GLI2: variants seen among roughly 807,000 people sequenced by gnomAD.
The protein encoded by GLI2 is transcription activator GLI2.
A neutral mutation model predicts 78.9 loss-of-function variants in GLI2; 22 were observed. That is an observed-to-expected ratio of 0.28 (90% CI 0.20 to 0.40). GLI2 has a LOEUF of 0.40. GLI2 is among the 10% of genes least tolerant of loss of function. The pLI is 1.00. For missense variants in GLI2, 2,097 were observed against 2,213.2 expected, an observed-to-expected ratio of 0.95 and a Z score of 1.05; for synonymous variants, 974 against 963.7, an observed-to-expected ratio of 1.01 and a Z score of -0.20.
intron 2 of GLI2, among the ~76,000 whole-genome samples, chr2:120,832,171 T>G (rs1462295021): frequency 6.6e-6 from 1 of 152,164 alleles, no homozygotes; most frequent in Non-Finnish European, 1.5e-5. Flanking sequence ...CACTGAGGAC[T>G]TCATCTCTGT....
At position 120,903,106 on chromosome 2, in the gene GLI2, C is replaced by T. The variant is rs149896539; in HGVS notation, c.149-24255C>T. 3.3e-4 allele frequency among the ~76,000 whole-genome samples: 50 copies of T among 152,024 alleles called. No individual in the cohort carries two copies. In the East Asian group the frequency reaches 9.3e-3, roughly 28 times the overall value. On this transcript the variant is annotated intron_variant, in intron 2 of 13. Transcript: ENST00000361492. Reference sequence around the variant, plus strand: ...AACTTTTTTTAATGCAATTCAGGGCCGGGCGCAGTGGGTCATTCCTGTAAT... The same window carrying T: ...AACTTTTTTTAATGCAATTCAGGGCTGGGCGCAGTGGGTCATTCCTGTAAT...
intron 2 of GLI2, among the ~76,000 whole-genome samples, chr2:120,911,334 A>T (rs191287343): frequency 6.1e-4 from 93 of 152,344 alleles, no homozygotes; most frequent in African/African-American, 2.1e-3. Context: ...TGCTATGAGG[A>T]TGAAATGAGT....
chr2:120,907,653 C>T (rs533617372), intron 2 of GLI2, among the ~76,000 whole-genome samples: 84 of 152,256 alleles, frequency 5.5e-4, no homozygotes, highest in African/African-American at 1.5e-3. Context: ...GAATCGCAGA[C>T]GAGGGTTCAG....
chr2:120,983,691 G>A (rs1376059866), intron 11 of GLI2, among the ~76,000 whole-genome samples: 4 of 152,208 alleles, frequency 2.6e-5, no homozygotes, highest in Admixed American at 6.5e-5. Flanking sequence ...GGCAAGAGCC[G>A]GTGGCATCCT....
At chr2:120,887,172 G>A (rs1377110365) in intron 2 of GLI2, among the ~76,000 whole-genome samples, 2 of 152,098 alleles carry the variant, frequency 1.3e-5, no homozygotes, top group African/African-American at 2.4e-5. Context: ...ACTCCCACAT[G>A]GCAAGTGGTA....
intron 2 of GLI2, among the ~76,000 whole-genome samples, chr2:120,809,289 A>G (rs1287951108): frequency 6.6e-6 from 1 of 152,238 alleles, no homozygotes; most frequent in Non-Finnish European, 1.5e-5. Flanking sequence ...GTAGGATTCC[A>G]TTCCCATGAA....
At chr2:120,945,283 CACACACACACACAA>C (rs1275224972) in intron 3 of GLI2, among the ~76,000 whole-genome samples, 1 of 152,078 alleles carries the variant, frequency 6.6e-6, no homozygotes, top group Non-Finnish European at 1.5e-5. Context: ...ATGTGCACAG[CACACACACACACAA>C]ACACACACAC....
chr2:120,745,165 C>T (rs1483723560), intron 1 of GLI2, among the ~76,000 whole-genome samples: 1 of 152,108 alleles, frequency 6.6e-6, no homozygotes, highest in African/African-American at 2.4e-5. Context: ...TTACTGGCCC[C>T]CAAGAGAAAC....
intron 1 of GLI2, among the ~76,000 whole-genome samples, chr2:120,795,839 C>T (rs572806048): frequency 0.046 from 6,964 of 152,198 alleles, 235 homozygotes; most frequent in Non-Finnish European, 0.065. Flanking sequence ...CACCTGAGGT[C>T]AGGAGTTTGA....
At chr2:120,753,927 A>C (rs1423844381) in intron 1 of GLI2, among the ~76,000 whole-genome samples, 6 of 151,956 alleles carry the variant, frequency 3.9e-5, no homozygotes, top group African/African-American at 2.4e-5. Context: ...AAAAAAAAAA[A>C]AAAAACAACT....
At chr2:120,843,869 GT>G (rs1686995036) in intron 2 of GLI2, among the ~76,000 whole-genome samples, 1 of 152,188 alleles carries the variant, frequency 6.6e-6, no homozygotes, top group Non-Finnish European at 1.5e-5. Flanking sequence ...GTTTCACCAT[GT>G]TGGCTAGGCT....
chr2:120,871,993 C>T (rs1018297512), intron 2 of GLI2, among the ~76,000 whole-genome samples: 3 of 152,294 alleles, frequency 2.0e-5, no homozygotes, highest in South Asian at 2.1e-4. Context: ...ATGACAACCA[C>T]GACGTCACAT....
At chr2:120,848,512 G>A (rs1294860409) in intron 2 of GLI2, among the ~76,000 whole-genome samples, 1 of 152,212 alleles carries the variant, frequency 6.6e-6, no homozygotes, top group Non-Finnish European at 1.5e-5. Context: ...GGACAGGGAT[G>A]AAAACTTAGG....
chr2:120,839,122 A>G (rs1686747919), intron 2 of GLI2, among the ~76,000 whole-genome samples: 1 of 152,138 alleles, frequency 6.6e-6, no homozygotes, highest in African/African-American at 2.4e-5. Context: ...ACCTCATAAC[A>G]TGTCCTAAGG....
chr2:120,812,463 T>A (rs929474691), intron 2 of GLI2, among the ~76,000 whole-genome samples: 2 of 152,152 alleles, frequency 1.3e-5, no homozygotes, highest in Non-Finnish European at 2.9e-5. Flanking sequence ...GGGCTGAAGC[T>A]GAGACGCAGG....
In GLI2 at chr2:120,978,429, G is replaced by A. The variant is rs765696664; in HGVS notation, c.1318-5G>A. The A allele has an allele frequency of 3.1e-6, 5 of 1,614,128 alleles. No homozygotes were observed. The highest frequency in any genetic ancestry group is 1.1e-5 in the South Asian group (1 of 91,082). On this transcript the variant is annotated splice_region_variant and splice_polypyrimidine_tract_variant and intron_variant, in intron 9 of 13. Transcript: ENST00000361492. ...TACCCTCTTCTGGGCATGTCCCTCC[G>A]GCAGCACATCAACAACGAGCACATC...
intron 2 of GLI2, among the ~76,000 whole-genome samples, chr2:120,826,702 G>C (rs1686080435): frequency 6.6e-6 from 1 of 152,194 alleles, no homozygotes; most frequent in African/African-American, 2.4e-5. Context: ...TGGGGAAGTG[G>C]CTTTGAACCC....
At chr2:120,810,573 G>A (rs939237469) in intron 2 of GLI2, among the ~76,000 whole-genome samples, 2 of 152,218 alleles carry the variant, frequency 1.3e-5, no homozygotes, top group African/African-American at 2.4e-5. Context: ...AGGATATAGA[G>A]GATGGGCAGG....
intron 2 of GLI2, among the ~76,000 whole-genome samples, chr2:120,833,516 G>A (rs1207856108): frequency 6.6e-6 from 1 of 152,162 alleles, no homozygotes; most frequent in African/African-American, 2.4e-5. Flanking sequence ...CCCATCTAGA[G>A]CACCCAAAGA....
Sources: gnomAD v4.1 joint callset for allele counts (sites outside exome capture counted in the v4.1 genomes callset) on GRCh38, gnomAD v4.1.1 for gene constraint, MANE v1.5 for transcripts, NCBI Gene and HGNC (gene_info 2026-07-23, HGNC 2026-07-21) for gene names.